Variants in DUS2 observed in about 807,000 individuals in gnomAD.
DUS2 encodes dihydrouridine synthase 2, also known as tRNA-dihydrouridine(20) synthase [NAD(P)+]-like.
DUS2 carries 52 observed loss-of-function variants against 71.3 expected under a neutral mutation model. That is an observed-to-expected ratio of 0.73 (90% CI 0.58 to 0.92). DUS2 has a LOEUF of 0.92. Ranked by LOEUF, DUS2 falls within the 40% of genes least tolerant of loss-of-function variation. The pLI is 0.00. For synonymous variants in DUS2, 204 were observed against 227.8 expected, an observed-to-expected ratio of 0.90 and a Z score of 0.94; for missense variants, 558 against 622.6, an observed-to-expected ratio of 0.90 and a Z score of 1.10.
At chr16:68,056,507 C>A in intron 7 of DUS2, 83 bp downstream of exon 7, 1 of 1,134,648 alleles carries the variant, frequency 8.8e-7, no homozygotes, top group Non-Finnish European at 1.3e-6. Context: ...TAGTACCTAA[C>A]TCTGGACTGG....
At position 68,066,645 on chromosome 16, in the gene DUS2, T is replaced by C; in HGVS notation, c.554+9T>C. 2 of 1,613,852 alleles carry C rather than the reference T, an allele frequency of 1.2e-6. No individual in the cohort carries two copies. The highest frequency in any genetic ancestry group is 1.7e-6 in the Non-Finnish European group (2 of 1,179,800). ...ATCGCAGTTCATGGGAGGTGAGTGG[T>C]CACCTTTCTAGTGACTGGCAGGGAG... On this transcript the variant is annotated intron_variant, in intron 10 of 16. Transcript: ENST00000565263.
At chr16:68,040,743 G>T (rs921523214) in intron 3 of DUS2, among the ~76,000 whole-genome samples, 22 of 152,048 alleles carry the variant, frequency 1.4e-4, no homozygotes, top group African/African-American at 4.6e-4. Context: ...GCTGAGTGTG[G>T]TGTCAGCGCC....
Position 68,076,688 on chromosome 16 carries a change from G to A in DUS2, c.1139G>A (p.Arg380Lys). The change falls in exon 15 of 17, where the codon AGG becomes AAG. Residue 380 changes from arginine (R) to lysine (K), a missense_variant. Coordinates refer to ENST00000565263, the MANE Select transcript of DUS2 (RefSeq NM_017803.5). Reference sequence around the variant, plus strand: ...ATGTGCCTACTAGAGTGGTGCCGGAGGGAGAAGTTGGCACAGCCTGTGTAT... The same window carrying A: ...ATGTGCCTACTAGAGTGGTGCCGGAAGGAGAAGTTGGCACAGCCTGTGTAT... The part of the protein sequence containing the change: ...PKMCLLEWCR[R>K]EKLAQPVYET... 6.2e-7 allele frequency: 1 copy of A among 1,614,102 alleles called. No homozygotes were observed. Among genetic ancestry groups the A allele is most frequent in the South Asian group, 1.1e-5 (1 of 91,082 alleles).
At chr16:68,024,388 C>A (rs1160070664) in intron 1 of DUS2, among the ~76,000 whole-genome samples, 1 of 152,098 alleles carries the variant, frequency 6.6e-6, no homozygotes, top group African/African-American at 2.4e-5. Flanking sequence ...CGTGAGCCAC[C>A]ATGCCCAACA....
intron 2 of DUS2, chr16:68,027,063 G>A (rs1303401007): frequency 3.9e-5 from 6 of 152,018 alleles, no homozygotes; most frequent in Non-Finnish European, 8.8e-5. Context: ...TTGGCCAAAG[G>A]GCTTGTAGTC....
At chr16:68,049,673 A>G in intron 4 of DUS2, 123 bp downstream of exon 4, 1 of 898,198 alleles carries the variant, frequency 1.1e-6, no homozygotes, top group South Asian at 1.4e-5. Context: ...TATAGATCAC[A>G]TGCTCCCTTG....
rs574343594 is a variant in DUS2 at position 68,029,993 on chromosome 16, G to A, written c.-19+4499G>A. ...ACTCCTGGCCTCAAACGATCCTCCC[G>A]CCTCAGCCTCCCAAAGTGCTGGGAT... On this transcript the variant is annotated intron_variant, in intron 2 of 16. Coordinates refer to ENST00000565263, the MANE Select transcript of DUS2 (RefSeq NM_017803.5). 4.6e-5 allele frequency among the ~76,000 whole-genome samples: 7 copies of A among 150,550 alleles called. No individual in the cohort carries two copies. In the East Asian group the frequency reaches 1.0e-3, roughly 22 times the overall value.
intron 11 of DUS2, among the ~76,000 whole-genome samples, chr16:68,070,631 C>T (rs1158323657): frequency 6.6e-6 from 1 of 152,182 alleles, no homozygotes; most frequent in Non-Finnish European, 1.5e-5. Context: ...GCCCCAGTAG[C>T]CCAGTTATGG....
chr16:68,066,415 T>G (rs759306836), intron 9 of DUS2, 33 bp downstream of exon 9: 2 of 1,608,324 alleles, frequency 1.2e-6, no homozygotes, highest in Non-Finnish European at 1.7e-6. Flanking sequence ...GAAGGTCCAT[T>G]CTCTCTGGTG....
chr16:68,053,752 G>A, intron 5 of DUS2, 97 bp downstream of exon 5: 1 of 1,229,832 alleles, frequency 8.1e-7, no homozygotes. Flanking sequence ...AATACCTGGG[G>A]TACATTGTAC....
intron 2 of DUS2, among the ~76,000 whole-genome samples, chr16:68,031,174 T>C (rs2033432133): frequency 6.6e-6 from 1 of 152,152 alleles, no homozygotes; most frequent in African/African-American, 2.4e-5. Flanking sequence ...ATGAACTCTT[T>C]TTTTTCTTTT....
At chr16:68,071,704 C>G (rs2034089446) in intron 12 of DUS2, among the ~76,000 whole-genome samples, 1 of 144,656 alleles carries the variant, frequency 6.9e-6, no homozygotes, top group African/African-American at 2.6e-5. Flanking sequence ...GTGGCATAAT[C>G]ATGACTCACT....
intron 15 of DUS2, chr16:68,077,647 C>T (rs1349876710): frequency 6.6e-6 from 1 of 152,282 alleles, no homozygotes; most frequent in Non-Finnish European, 1.5e-5. Context: ...CCTCGGCCTC[C>T]CAAAGTGCTA....
chr16:68,069,842 T>C (rs1567481377), intron 10 of DUS2, among the ~76,000 whole-genome samples: 2 of 152,102 alleles, frequency 1.3e-5, no homozygotes, highest in African/African-American at 4.8e-5. Flanking sequence ...AAAAGCAACA[T>C]GACCTTGGGA....
At position 68,078,884 on chromosome 16, in the gene DUS2, T is replaced by C; in HGVS notation, c.1380T>C (p.Pro460=). Reference sequence around the variant, plus strand: ...AGAGGGAGGCTCCTGACCAAGACCCTGGGGGCCCCAGAGCTCAGGAGCTAG... The same window carrying C: ...AGAGGGAGGCTCCTGACCAAGACCCCGGGGGCCCCAGAGCTCAGGAGCTAG... ...KRKREAPDQD[P]GGPRAQELAQ... The change falls in exon 17 of 17, where the codon CCT becomes CCC. Residue 460 remains proline (P), a synonymous_variant. Transcript: ENST00000565263. 6.2e-7 allele frequency: 1 copy of C among 1,613,568 alleles called. No homozygotes were observed. The highest frequency in any genetic ancestry group is 8.5e-7 in the Non-Finnish European group (1 of 1,179,618).
chr16:68,076,135 C>T (rs1037579798), intron 14 of DUS2, among the ~76,000 whole-genome samples: 7 of 152,156 alleles, frequency 4.6e-5, no homozygotes, highest in Non-Finnish European at 1.0e-4. Context: ...CCCACCCTGT[C>T]ACTGTGTCAC....
At chr16:68,027,965 A>C (rs2033379587) in intron 2 of DUS2, among the ~76,000 whole-genome samples, 1 of 152,168 alleles carries the variant, frequency 6.6e-6, no homozygotes, top group South Asian at 2.1e-4. Context: ...TTCTGAGGGC[A>C]GGAGGCAGGT....
intron 4 of DUS2, among the ~76,000 whole-genome samples, chr16:68,050,199 G>A (rs371408012): frequency 9.2e-5 from 14 of 151,882 alleles, no homozygotes; most frequent in East Asian, 7.7e-4. Context: ...GTGCAACGGC[G>A]CGGTCTTGGT....
At position 68,054,592 on chromosome 16, in the gene DUS2, C is replaced by T. The variant is rs1264322131; in HGVS notation, c.283C>T (p.Arg95Ter). Residue 95 changes from arginine (R) to a stop codon, truncating the protein, a stop_gained, in exon 6 of 17, where the codon CGA (arginine) becomes TGA (stop). Coordinates refer to ENST00000565263, the MANE Select transcript of DUS2 (RefSeq NM_017803.5). LOFTEE classifies it high-confidence loss of function. The stretch of plus-strand genomic sequence containing the variant: ...TTCCCAGGGGACTTCAGACGCAGAG[C>T]GAGCCCTTGCTGTGGCCAGGCTTGT... ...VFQMGTSDAERALAVARLVEN... is the reference protein window; with the variant it reads ...VFQMGTSDAE 18 of 1,614,130 alleles carry T rather than the reference C, an allele frequency of 1.1e-5. No homozygotes were observed. The highest frequency in any genetic ancestry group is 4.5e-5 in the East Asian group (2 of 44,882).
Sources: gnomAD v4.1 joint callset for allele counts (sites outside exome capture counted in the v4.1 genomes callset) on GRCh38, gnomAD v4.1.1 for gene constraint, MANE v1.5 for transcripts, NCBI Gene and HGNC (gene_info 2026-07-23, HGNC 2026-07-21) for gene names.